TRMT11: variants seen among roughly 807,000 people sequenced by gnomAD.
TRMT11 encodes the protein tRNA (guanine(10)-N(2))-methyltransferase TRMT11.
Under a neutral mutation model 62.8 loss-of-function variants are expected in TRMT11, and 53 were observed. The ratio of observed to expected loss-of-function variants is 0.84; its 90% confidence interval spans 0.68 to 1.06. The LOEUF is 1.06. TRMT11 is among the 50% of genes least tolerant of loss of function. The pLI, the probability that TRMT11 is intolerant of heterozygous loss-of-function variation, is 0.00. For missense variants in TRMT11, 556 were observed against 553.4 expected, an observed-to-expected ratio of 1.00 and a Z score of -0.05; for synonymous variants, 188 against 190.3, an observed-to-expected ratio of 0.99 and a Z score of 0.10.
intron 17 of TRMT11, among the ~76,000 whole-genome samples, chr6:126,061,070 A>G (rs925785312): frequency 2.6e-5 from 4 of 152,216 alleles, no homozygotes; most frequent in Non-Finnish European, 5.9e-5. Flanking sequence ...GGGCCCGCAT[A>G]ACAGAAGGGG....
At chr6:126,214,532 A>T in the TRMT11 span, among the ~76,000 whole-genome samples, 1 of 151,922 alleles carries the variant, frequency 6.6e-6, no homozygotes, top group East Asian at 1.9e-4. Flanking sequence ...GTAGTTGCTC[A>T]TAGTAGCCTT....
chr6:126,058,425 T>C lies in TRMT11; in HGVS notation c.*1437+5235T>C, dbSNP rs145526362. Among the ~76,000 whole-genome samples, 46 of 152,362 alleles carry C rather than the reference T, an allele frequency of 3.0e-4. 2 individuals are homozygous for C. The East Asian group carries it at 8.7e-3, about 29-fold the overall frequency. On this transcript the variant is annotated intron_variant and NMD_transcript_variant, in intron 17 of 22. Transcript: ENST00000648977. ...GTGCTGCAATAAACATACATGTGCA[T>C]GTGTCTTTATAGTAGAATGATTTAT...
In TRMT11 at chr6:126,063,079, C is replaced by G. The variant is rs145610072; in HGVS notation, c.*1437+9889C>G. On this transcript the variant is annotated intron_variant and NMD_transcript_variant, in intron 17 of 22. Coordinates refer to the TRMT11 transcript ENST00000648977. The stretch of plus-strand genomic sequence containing the variant: ...TATCATGTGATCACATTTTATAATC[C>G]GTTATTTATAATAATGTTACATATA... Among the ~76,000 whole-genome samples, 4 of 151,766 alleles carry G rather than the reference C, an allele frequency of 2.6e-5. No homozygotes were observed. The South Asian group carries it at 6.3e-4, about 24-fold the overall frequency.
the TRMT11 span, among the ~76,000 whole-genome samples, chr6:126,240,717 C>G: frequency 6.6e-6 from 1 of 152,216 alleles, no homozygotes; most frequent in East Asian, 1.9e-4. Context: ...GCTGGGAGAA[C>G]CACTAGTGTC....
intron 17 of TRMT11, among the ~76,000 whole-genome samples, chr6:126,059,708 G>A (rs946967638): frequency 6.6e-6 from 1 of 152,140 alleles, no homozygotes; most frequent in East Asian, 1.9e-4. Context: ...ATATGGAGGT[G>A]GGATTTGAAC....
chr6:126,049,664 G>A (rs1776156700), intron 16 of TRMT11, among the ~76,000 whole-genome samples: 1 of 152,180 alleles, frequency 6.6e-6, no homozygotes, highest in South Asian at 2.1e-4. Context: ...TAAAAAGATA[G>A]TTAACACAAA....
downstream of TRMT11, among the ~76,000 whole-genome samples, chr6:126,041,043 A>G (rs142259809): frequency 6.6e-6 from 1 of 152,276 alleles, no homozygotes; most frequent in East Asian, 1.9e-4. Context: ...ACAAGGATTG[A>G]GCAATAAAAC....
At chr6:126,171,185 A>G (rs1459431781) in intron 21 of TRMT11, among the ~76,000 whole-genome samples, 1 of 152,194 alleles carries the variant, frequency 6.6e-6, no homozygotes, top group Non-Finnish European at 1.5e-5. Context: ...GGGGAGATAG[A>G]TAACTATCGA....
intron 21 of TRMT11, among the ~76,000 whole-genome samples, chr6:126,119,727 G>T (rs1040378033): frequency 6.6e-6 from 1 of 152,044 alleles, no homozygotes; most frequent in African/African-American, 2.4e-5. Flanking sequence ...ACTGCAAATT[G>T]AGTGTAAGTT....
chr6:126,003,469 C>G (rs1256562203), intron 7 of TRMT11, among the ~76,000 whole-genome samples: 1 of 151,998 alleles, frequency 6.6e-6, no homozygotes, highest in Non-Finnish European at 1.5e-5. Flanking sequence ...AAATTTGTCT[C>G]CATTATACTA....
intron 20 of TRMT11, among the ~76,000 whole-genome samples, chr6:126,115,729 T>C (rs1331858666): frequency 5.9e-5 from 9 of 152,120 alleles, no homozygotes; most frequent in Non-Finnish European, 1.3e-4. Flanking sequence ...CTCTGGGTTT[T>C]TTTCACCATC....
At chr6:126,015,143 G>A (rs1583720412) in intron 11 of TRMT11, among the ~76,000 whole-genome samples, 1 of 151,502 alleles carries the variant, frequency 6.6e-6, no homozygotes, top group East Asian at 1.9e-4. Flanking sequence ...ATACAATACA[G>A]AAAACTCCCA....
chr6:125,994,380 T>C (rs936366873), intron 2 of TRMT11, among the ~76,000 whole-genome samples: 1 of 152,018 alleles, frequency 6.6e-6, no homozygotes. Context: ...GTTTCTCACC[T>C]GATAGTGTCA....
intron 17 of TRMT11, among the ~76,000 whole-genome samples, chr6:126,073,674 A>G (rs1463600025): frequency 1.3e-5 from 2 of 152,088 alleles, no homozygotes; most frequent in Non-Finnish European, 2.9e-5. Flanking sequence ...CAAAAAGTTG[A>G]CTAGTTATAT....
intron 17 of TRMT11, among the ~76,000 whole-genome samples, chr6:126,068,610 C>T (rs1429585398): frequency 6.6e-6 from 1 of 152,178 alleles, no homozygotes; most frequent in Non-Finnish European, 1.5e-5. Context: ...CATCTTTGTG[C>T]CAGTACCACA....
the TRMT11 span, among the ~76,000 whole-genome samples, chr6:126,241,901 C>T: frequency 2.0e-5 from 3 of 152,160 alleles, no homozygotes; most frequent in Admixed American, 6.5e-5. Flanking sequence ...TCTCACCACT[C>T]CTATTCAATA....
At chr6:125,987,957 G>A in intron 1 of TRMT11, among the ~76,000 whole-genome samples, 1 of 152,178 alleles carries the variant, frequency 6.6e-6, no homozygotes, top group Non-Finnish European at 1.5e-5. Context: ...TTCTTCATAT[G>A]AAAACTAGGA....
the TRMT11 span, among the ~76,000 whole-genome samples, chr6:126,210,980 C>CTT: frequency 6.1e-5 from 8 of 131,674 alleles, no homozygotes; most frequent in Admixed American, 1.5e-4. Flanking sequence ...ATAACATTCC[C>CTT]TTTTTTTTTT....
At chr6:126,169,689 C>G (rs1778309134) in intron 21 of TRMT11, among the ~76,000 whole-genome samples, 1 of 152,158 alleles carries the variant, frequency 6.6e-6, no homozygotes, top group Admixed American at 6.5e-5. Flanking sequence ...TGCTTTTGGA[C>G]TTAAACCTGT....
Sources: gnomAD v4.1 joint callset for allele counts (sites outside exome capture counted in the v4.1 genomes callset) on GRCh38, gnomAD v4.1.1 for gene constraint, MANE v1.5 for transcripts, NCBI Gene and HGNC (gene_info 2026-07-23, HGNC 2026-07-21) for gene names.